The following USP24 variants were observed in gnomAD, a reference collection of about 807,000 sequenced individuals.
USP24 encodes the protein ubiquitin specific peptidase 24, also known as ubiquitin carboxyl-terminal hydrolase 24.
USP24 carries 97 observed loss-of-function variants against 361.6 expected under a neutral mutation model. The ratio of observed to expected loss-of-function variants is 0.27; its 90% CI spans 0.23 to 0.32. USP24 has a LOEUF of 0.32. Ranked by LOEUF, USP24 falls within the 10% of genes least tolerant of loss-of-function variation. The pLI is 1.00. For missense variants in USP24, 2,353 were observed against 3,165.6 expected (o/e 0.74, Z 6.16); for synonymous variants, 1,098 against 1,124.6 (o/e 0.98, Z 0.47).
At chr1:55,071,736 C>T (rs1644923074) in intron 67 of USP24, 78 bp downstream of exon 67, 1 of 1,405,558 alleles carries the variant, frequency 7.1e-7, no homozygotes, top group Non-Finnish European at 9.8e-7. Flanking sequence ...CTTGTTTTCC[C>T]TCAGCTGTGG....
chr1:55,124,848 TTTACCAA>T, intron 34 of USP24, among the ~76,000 whole-genome samples: 1 of 152,278 alleles, frequency 6.6e-6, no homozygotes, highest in African/African-American at 2.4e-5. Flanking sequence ...CAAAATACGC[TTTACCAA>T]TTTTTTCACT....
chr1:55,187,557 CAAAAT>C (rs1644167593), intron 1 of USP24, among the ~76,000 whole-genome samples: 1 of 152,042 alleles, frequency 6.6e-6, no homozygotes, highest in Non-Finnish European at 1.5e-5. Flanking sequence ...AGGAATTCAC[CAAAAT>C]AAATACCAGA....
At chr1:55,209,438 G>A (rs886206043) in intron 1 of USP24, among the ~76,000 whole-genome samples, 4 of 152,118 alleles carry the variant, frequency 2.6e-5, no homozygotes, top group Middle Eastern at 3.4e-3. Context: ...TACACAAATC[G>A]GCTAGTGTGA....
intron 5 of USP24, among the ~76,000 whole-genome samples, chr1:55,170,080 G>A (rs866176757): frequency 1.3e-5 from 2 of 152,124 alleles, no homozygotes; most frequent in Non-Finnish European, 2.9e-5. Context: ...TTGGGAAGGG[G>A]AGCAGAGGAC....
chr1:55,112,467 C>T (rs536353746), intron 38 of USP24, among the ~76,000 whole-genome samples: 4 of 152,096 alleles, frequency 2.6e-5, no homozygotes, highest in Admixed American at 6.6e-5. Context: ...GATTCTGGTA[C>T]GTTGTGTCTT....
In USP24 at chr1:55,142,752, G is replaced by T. The variant is rs1456613695; in HGVS notation, c.2624C>A (p.Thr875Lys). 1 of 1,548,360 alleles carries T rather than the reference G, an allele frequency of 6.5e-7. No individual in the cohort carries two copies. Among genetic ancestry groups the T allele is most frequent in the African/African-American group, 1.4e-5 (1 of 72,866 alleles). Reference protein sequence around the residue: ...LHKKFIADCYTRLEAASSALG... With the variant: ...LHKKFIADCYKRLEAASSALG... Reference sequence around the variant, plus strand: ...AAATTTGCTACTCACTTCTAATCTTGTGTAGCAATCAGCAATGAATTTCTT... The same window carrying T: ...AAATTTGCTACTCACTTCTAATCTTTTGTAGCAATCAGCAATGAATTTCTT... The change falls in exon 23 of 68, where the codon ACA (threonine) becomes AAA (lysine). Residue 875 changes from threonine to lysine, a missense_variant. Around this residue, in one of 8 missense-constraint regions of USP24, gnomAD observed 949 missense variants for 1,280.5 expected, o/e 0.74. Transcript: ENST00000294383.
Position 55,138,737 on chromosome 1 carries a change from C to A in USP24, c.2818-19G>T. The A allele has an allele frequency of 1.3e-6, 2 of 1,559,426 alleles. No individual in the cohort carries two copies. The highest frequency in any genetic ancestry group is 2.3e-5 in the South Asian group (2 of 88,538). The stretch of plus-strand genomic sequence containing the variant: ...AAAAATCCTTAAAAAACGAATAAGT[C>A]AAGTCAGATGGACAGCACCACTGAT... On this transcript the variant is annotated intron_variant, in intron 25 of 67. Coordinates refer to ENST00000294383, the MANE Select transcript of USP24 (RefSeq NM_015306.3).
Position 55,158,883 on chromosome 1 carries a change from T to G in USP24, c.1222A>C (p.Lys408Gln). 1 of 1,513,814 alleles carries G rather than the reference T, an allele frequency of 6.6e-7. No homozygotes were observed. Among genetic ancestry groups the G allele is most frequent in the Non-Finnish European group, 8.9e-7 (1 of 1,123,856 alleles). The allele number at this position is 1,513,814 out of a possible 1,614,324, so 93.8% of individuals were successfully genotyped here. A position where few individuals can be genotyped will look rare whatever the true frequency, so the allele number is the denominator to read the frequency against. The change falls in exon 10 of 68, where the codon AAA becomes CAA. Residue 408 changes from lysine to glutamine, a missense_variant. Lys to Gln is a moderately conservative substitution (Grantham distance 53, BLOSUM62 1). Transcript: ENST00000294383. ...PHFSAKMNSL[K>Q]EVTKLIEDST... ...GAAACAAATGAAAAACTTACTTCTTTGAGAGAATTCATCTTAGCACTGAAA... is the reference window on the plus strand; with the variant it reads ...GAAACAAATGAAAAACTTACTTCTTGGAGAGAATTCATCTTAGCACTGAAA...
At chr1:55,167,630 C>T (rs766216201) in intron 5 of USP24, among the ~76,000 whole-genome samples, 2 of 152,106 alleles carry the variant, frequency 1.3e-5, no homozygotes, top group African/African-American at 4.8e-5. Flanking sequence ...CCAGTCAGAA[C>T]GCCAGTGCAG....
intron 4 of USP24, 33 bp from the exon 5 acceptor site, chr1:55,171,711 T>A: frequency 1.9e-6 from 3 of 1,579,660 alleles, no homozygotes; most frequent in Middle Eastern, 1.7e-4. Flanking sequence ...AACATTATTA[T>A]CTATTTCTAT....
chr1:55,113,261 C>G (rs1329195489), intron 38 of USP24, among the ~76,000 whole-genome samples: 1 of 152,156 alleles, frequency 6.6e-6, no homozygotes, highest in African/African-American at 2.4e-5. Flanking sequence ...CACCTCTACA[C>G]AAACAAACTA....
intron 1 of USP24, among the ~76,000 whole-genome samples, chr1:55,208,843 G>A (rs557439383): frequency 6.6e-6 from 1 of 152,074 alleles, no homozygotes; most frequent in East Asian, 1.9e-4. Context: ...GGCTGAGGCA[G>A]AAGAATCGCT....
intron 66 of USP24, among the ~76,000 whole-genome samples, 153 bp from the exon 67 acceptor site, chr1:55,072,077 T>C (rs1041514613): frequency 3.9e-5 from 6 of 152,140 alleles, no homozygotes; most frequent in Non-Finnish European, 7.3e-5. Flanking sequence ...CCTCAACCCC[T>C]GTCCCTTTTT....
chr1:55,110,926 C>T (rs1042502353), intron 38 of USP24, among the ~76,000 whole-genome samples: 25 of 151,994 alleles, frequency 1.6e-4, no homozygotes, highest in African/African-American at 5.6e-4. Context: ...TACGCATATA[C>T]ACAAACATAT....
rs12079951 is a variant in USP24 at position 55,074,653 on chromosome 1, A to C, written c.7448-747T>G. On this transcript the variant is annotated intron_variant, in intron 63 of 67. Transcript: ENST00000294383. ...TGTCTCAAAAATAAATAAATAAATA[A>C]ATAAATAAATAAATAAATAAATAAA... Among the ~76,000 whole-genome samples the C allele has an allele frequency of 2.8e-3, 385 of 136,458 alleles. 2 individuals are homozygous for C. The highest frequency in any genetic ancestry group is 0.022 in the East Asian group (105 of 4,852). The allele number at this position is 136,458 out of a possible 152,430, so 89.5% of individuals were successfully genotyped here. A position where few individuals can be genotyped will look rare whatever the true frequency, so the allele number is the denominator to read the frequency against.
chr1:55,138,839 T>C (rs891348966), intron 25 of USP24, 105 bp downstream of exon 25: 8 of 1,308,696 alleles, frequency 6.1e-6, no homozygotes, highest in Non-Finnish European at 8.6e-6. Flanking sequence ...GCTAACTGGG[T>C]GTGGTGGTGT....
chr1:55,082,598 G>A lies in USP24; in HGVS notation c.6975+674C>T, dbSNP rs867647855. ...GCCCAGGAGTTTGAGACCAGTTTGGGCAACATGGTGAAATCCTGTTTCTAT... is the reference window on the plus strand; with the variant it reads ...GCCCAGGAGTTTGAGACCAGTTTGGACAACATGGTGAAATCCTGTTTCTAT... On this transcript the variant is annotated intron_variant, in intron 58 of 67. Coordinates refer to ENST00000294383, the MANE Select transcript of USP24 (RefSeq NM_015306.3). Among the ~76,000 whole-genome samples the A allele has an allele frequency of 3.9e-5, 6 of 152,142 alleles. No individual in the cohort carries two copies. The East Asian group carries it at 5.8e-4, about 15-fold the overall frequency.
At chr1:55,127,261 C>T (rs547690066) in intron 32 of USP24, among the ~76,000 whole-genome samples, 20 of 152,194 alleles carry the variant, frequency 1.3e-4, no homozygotes, top group African/African-American at 4.6e-4. Context: ...TGTTCCCCTT[C>T]CTGTGTCCAT....
rs1453820754 is a variant in USP24 at position 55,171,505 on chromosome 1, T to G, written c.825+51A>C. ...TGTCTTTTTTATAGCACAGAAAATC[T>G]TCTTTTTCAATACATTTTTCTATAA... On this transcript the variant is annotated intron_variant, in intron 5 of 67. Transcript: ENST00000294383. 9.7e-6 allele frequency: 15 copies of G among 1,546,054 alleles called. No individual in the cohort carries two copies. In the Admixed American group the frequency reaches 2.8e-4, roughly 29 times the overall value.
Sources: gnomAD v4.1 joint callset for allele counts (sites outside exome capture counted in the v4.1 genomes callset) on GRCh38, gnomAD v4.1.1 for gene constraint, gnomAD v4.1.1 regional missense constraint, MANE v1.5 for transcripts, NCBI Gene and HGNC (gene_info 2026-07-23, HGNC 2026-07-21) for gene names.